Variants in ARL15 observed in about 807,000 individuals in gnomAD.
ARL15 encodes the protein ADP-ribosylation factor-like protein 15.
A neutral mutation model predicts 25.2 loss-of-function variants in ARL15; 19 were observed. The ratio of observed to expected loss-of-function variants is 0.75; its 90% CI spans 0.53 to 1.10. ARL15 has a LOEUF of 1.10. ARL15 is among the 50% of genes least tolerant of loss of function. ARL15 has a pLI of 0.00. For missense variants in ARL15, 220 were observed against 246.0 expected (o/e 0.89, Z 0.71); for synonymous variants, 94 against 86.8 (o/e 1.08, Z -0.46).
intron 3 of ARL15, among the ~76,000 whole-genome samples, chr5:54,153,105 A>C (rs982680637): frequency 6.6e-6 from 1 of 152,238 alleles, no homozygotes; most frequent in South Asian, 2.1e-4. Flanking sequence ...AGCCATATTT[A>C]AAACCCATAT....
At chr5:54,288,418 T>C (rs1758238385) in intron 1 of ARL15, among the ~76,000 whole-genome samples, 1 of 152,174 alleles carries the variant, frequency 6.6e-6, no homozygotes, top group Non-Finnish European at 1.5e-5. Context: ...AGTCTACATA[T>C]AGTGGGCAGA....
intron 4 of ARL15, among the ~76,000 whole-genome samples, chr5:54,103,261 A>G (rs1407229435): frequency 6.6e-6 from 1 of 152,168 alleles, no homozygotes; most frequent in East Asian, 1.9e-4. Flanking sequence ...ATACTGTGAT[A>G]ACAAACACAG....
chr5:54,224,586 A>G (rs1368060686), intron 1 of ARL15, among the ~76,000 whole-genome samples: 2 of 152,204 alleles, frequency 1.3e-5, no homozygotes, highest in Non-Finnish European at 2.9e-5. Context: ...ACATTCAGAT[A>G]CTGGATTGTG....
intron 1 of ARL15, among the ~76,000 whole-genome samples, chr5:54,249,551 T>C (rs761209738): frequency 4.0e-5 from 6 of 151,130 alleles, no homozygotes; most frequent in African/African-American, 9.7e-5. Flanking sequence ...TAGGTAACAA[T>C]ATACAGAAAC....
At chr5:54,093,365 C>T (rs1024078453) in intron 4 of ARL15, among the ~76,000 whole-genome samples, 2 of 152,186 alleles carry the variant, frequency 1.3e-5, no homozygotes, top group African/African-American at 4.8e-5. Context: ...GCACCCCAAA[C>T]CTGGCCTGAC....
intron 4 of ARL15, among the ~76,000 whole-genome samples, chr5:53,991,321 C>T (rs1188554142): frequency 1.3e-5 from 2 of 152,036 alleles, no homozygotes. Flanking sequence ...GCAGGCAGAT[C>T]ACCTGAGGTA....
chr5:54,156,298 C>T (rs182888678), intron 2 of ARL15, among the ~76,000 whole-genome samples: 40 of 152,328 alleles, frequency 2.6e-4, no homozygotes, highest in Non-Finnish European at 4.1e-4. Flanking sequence ...CCCTTATTAG[C>T]TCTGTGAATG....
chr5:53,940,563 G>T (rs1448506094), intron 4 of ARL15, among the ~76,000 whole-genome samples: 3 of 152,098 alleles, frequency 2.0e-5, no homozygotes, highest in Non-Finnish European at 4.4e-5. Flanking sequence ...CACTCATTAT[G>T]CATGTTCTAG....
chr5:54,099,590 T>C (rs1752379603), intron 4 of ARL15, among the ~76,000 whole-genome samples: 1 of 152,160 alleles, frequency 6.6e-6, no homozygotes, highest in Non-Finnish European at 1.5e-5. Flanking sequence ...CTAAATTAAA[T>C]ATTTTTTGTT....
chr5:53,957,424 G>GT (rs1207616279), intron 4 of ARL15, among the ~76,000 whole-genome samples: 2 of 151,808 alleles, frequency 1.3e-5, no homozygotes, highest in East Asian at 1.9e-4. Context: ...CACCGAGAAG[G>GT]TTTGCTTTTA....
At chr5:54,199,954 C>T (rs1755663924) in intron 1 of ARL15, among the ~76,000 whole-genome samples, 1 of 148,180 alleles carries the variant, frequency 6.7e-6, no homozygotes, top group Non-Finnish European at 1.5e-5. Context: ...CCATGGAATA[C>T]TATGCAGCCA....
intron 4 of ARL15, among the ~76,000 whole-genome samples, chr5:54,111,235 C>CTTA (rs1223441333): frequency 6.6e-6 from 1 of 151,870 alleles, no homozygotes; most frequent in African/African-American, 2.4e-5. Context: ...AAAATGGATA[C>CTTA]AAATAAAAAG....
intron 4 of ARL15, among the ~76,000 whole-genome samples, chr5:54,007,722 A>T (rs1749091448): frequency 6.6e-6 from 1 of 152,184 alleles, no homozygotes; most frequent in South Asian, 2.1e-4. Flanking sequence ...TTGACATGTT[A>T]ACAAACTGAT....
intron 1 of ARL15, among the ~76,000 whole-genome samples, chr5:54,222,895 C>T (rs1314109636): frequency 6.6e-6 from 1 of 152,088 alleles, no homozygotes; most frequent in Non-Finnish European, 1.5e-5. Flanking sequence ...TCTCGGCTGA[C>T]TGCAACCTCC....
chr5:54,279,166 C>T (rs1757992600), intron 1 of ARL15, among the ~76,000 whole-genome samples: 1 of 151,940 alleles, frequency 6.6e-6, no homozygotes, highest in Non-Finnish European at 1.5e-5. Flanking sequence ...TTGTTTTACT[C>T]ATAACTCAGC....
In ARL15 at chr5:54,246,794, GCATACACA is replaced by G. The variant is rs1554050196; in HGVS notation, c.48+63630_48+63637del. The stretch of plus-strand genomic sequence containing the variant: ...AAACCTCTTTTTATATACAAAGCAT[GCATACACA>G]CACACACACACACACACACACACAC... On this transcript the variant is annotated intron_variant, in intron 1 of 4. Transcript: ENST00000504924. Among the ~76,000 whole-genome samples, 724 of 97,466 alleles carry G rather than the reference GCATACACA, an allele frequency of 7.4e-3. 5 individuals carry two copies. Among genetic ancestry groups the G allele is most frequent in the African/African-American group, 0.025 (681 of 26,950 alleles). 63.9% of individuals were successfully genotyped at this position (97,466 alleles called of 152,430 possible).
intron 4 of ARL15, among the ~76,000 whole-genome samples, chr5:53,947,167 G>GGTGT (rs3222349): frequency 0.036 from 4,416 of 123,518 alleles, 96 homozygotes; most frequent in East Asian, 0.058. Flanking sequence ...AATAAATAAG[G>GGTGT]GTGTGTGTGT....
intron 3 of ARL15, among the ~76,000 whole-genome samples, chr5:54,153,317 G>C (rs537125465): frequency 4.6e-5 from 7 of 151,938 alleles, no homozygotes; most frequent in African/African-American, 1.7e-4. Context: ...TTTCTTTTTT[G>C]AATTAAATTA....
chr5:53,983,492 C>G (rs989411933), intron 4 of ARL15, among the ~76,000 whole-genome samples: 1 of 152,160 alleles, frequency 6.6e-6, no homozygotes, highest in Non-Finnish European at 1.5e-5. Context: ...AGCAATGTCA[C>G]TTTCAGCCTT....
Sources: allele counts gnomAD v4.1 joint callset (sites outside exome capture counted in the v4.1 genomes callset), GRCh38; gene constraint gnomAD v4.1.1; transcripts MANE v1.5; gene names NCBI Gene and HGNC (gene_info 2026-07-23, HGNC 2026-07-21).